Variants in PRXL2C observed in about 807,000 individuals in gnomAD.
PRXL2C encodes the protein peroxiredoxin like 2C.
A neutral mutation model predicts 24.9 loss-of-function variants in PRXL2C; 38 were observed. The ratio of observed to expected loss-of-function variants is 1.53; its 90% CI spans 1.18 to 2.00. The LOEUF is 2.00. Among genes scored for constraint, PRXL2C ranks in the 30% most tolerant of loss-of-function variants. The pLI, the probability that PRXL2C is intolerant of heterozygous loss-of-function variation, is 0.00. For synonymous variants in PRXL2C, 98 were observed against 117.2 expected (o/e 0.84, Z 1.06); for missense variants, 294 against 290.9 (o/e 1.01, Z -0.08).
rs1001250239 is a variant in PRXL2C, at chr9:96,654,878, G to A, written c.193-105C>T. ...CGTGACGCGAGCAAAGGCGACGCCCGCGGGGCCGGGACCGGCGGCTCGGGC... is the reference window on the plus strand; with the variant it reads ...CGTGACGCGAGCAAAGGCGACGCCCACGGGGCCGGGACCGGCGGCTCGGGC... On this transcript the variant is annotated intron_variant, in intron 1 of 5. Coordinates refer to ENST00000375234, the MANE Select transcript of PRXL2C (RefSeq NM_153698.2). The A allele has an allele frequency of 5.4e-6, 7 of 1,292,878 alleles. No individual in the cohort carries two copies. The East Asian group carries it at 1.5e-4, about 27-fold the overall frequency. 80.1% of individuals were successfully genotyped at this position (1,292,878 alleles called of 1,614,324 possible).
intron 4 of PRXL2C, among the ~76,000 whole-genome samples, chr9:96,647,749 A>G (rs1189425679): frequency 6.6e-6 from 1 of 152,036 alleles, no homozygotes; most frequent in Non-Finnish European, 1.5e-5. Flanking sequence ...GCCGGTCTCA[A>G]ATTCCTGGCC....
Position 96,651,396 on chromosome 9 carries a change from A to T in PRXL2C, c.415T>A (p.Ser139Thr). 1 of 1,607,774 alleles carries T rather than the reference A, an allele frequency of 6.2e-7. No individual in the cohort carries two copies. Among genetic ancestry groups the T allele is most frequent in the Non-Finnish European group, 8.5e-7 (1 of 1,176,250 alleles). Residue 139 changes from serine to threonine, a missense_variant, in exon 4 of 6, where the codon TCC (serine) becomes ACC (threonine). Physicochemically the swap from Ser to Thr is moderately conservative, Grantham distance 58. Transcript: ENST00000375234. The part of the protein sequence containing the change: ...LGMKRGEEIA[S>T]SGQSPHIKSN... ...GAGACATGTTATGTCTTACCTGAGG[A>T]AGCAATTTCTTCACCTCTTTTCATT...
At chr9:96,655,047 G>C in intron 1 of PRXL2C, 43 bp downstream of exon 1, 1 of 1,454,920 alleles carries the variant, frequency 6.9e-7, no homozygotes, top group Non-Finnish European at 9.0e-7. Context: ...GCCTGCCCGG[G>C]ACCCTGGGCC....
Position 96,655,223 on chromosome 9 carries a change from G to C in PRXL2C, c.59C>G (p.Ala20Gly). ...CTGCCCGCTGTCGGGGCCGCTCGGG[G>C]CCGGGACCAGGGCGGCGGCGCCGCT... ...QVSGAAALVP[A>G]PSGPDSGQPL... The change falls in exon 1 of 6, where the codon GCC (alanine) becomes GGC (glycine). Residue 20 changes from alanine (A) to glycine (G), a missense_variant. Transcript: ENST00000375234. The C allele has an allele frequency of 8.7e-7, 1 of 1,153,806 alleles. No individual in the cohort carries two copies. The highest frequency in any genetic ancestry group is 1.1e-6 in the Non-Finnish European group (1 of 939,226). 71.5% of individuals were successfully genotyped at this position (1,153,806 alleles called of 1,614,324 possible).
rs1358074829 is a variant in PRXL2C, at chr9:96,640,814, A to G, written c.*945T>C. 1 of 147,738 alleles carries G rather than the reference A, an allele frequency of 6.8e-6. No individual in the cohort carries two copies. Among genetic ancestry groups the G allele is most frequent in the African/African-American group, 2.6e-5 (1 of 39,116 alleles). The allele number at this position is 147,738 out of a possible 1,614,324, so 9.2% of individuals were successfully genotyped here. A position where few individuals can be genotyped will look rare whatever the true frequency, so the allele number is the denominator to read the frequency against. ...GCCACTGCACTCCAGCCTGGGCAACAGAGTGAGACTCCATCTCAAAAAAAA... is the reference window on the plus strand; with the variant it reads ...GCCACTGCACTCCAGCCTGGGCAACGGAGTGAGACTCCATCTCAAAAAAAA... On this transcript the variant is annotated 3_prime_UTR_variant, in exon 6 of 6. Transcript: ENST00000375234.
At chr9:96,647,030 T>C (rs1028823493) in intron 4 of PRXL2C, among the ~76,000 whole-genome samples, 23 of 152,266 alleles carry the variant, frequency 1.5e-4, no homozygotes, top group African/African-American at 5.1e-4. Flanking sequence ...CCTCAGGTGA[T>C]CTGCCCGCCT....
At chr9:96,654,275 G>C in intron 2 of PRXL2C, among the ~76,000 whole-genome samples, 1 of 152,132 alleles carries the variant, frequency 6.6e-6, no homozygotes. Flanking sequence ...TGTGCCTCAA[G>C]AAAAACAACT....
At chr9:96,649,055 G>A (rs1848232266) in intron 4 of PRXL2C, among the ~76,000 whole-genome samples, 1 of 152,112 alleles carries the variant, frequency 6.6e-6, no homozygotes, top group East Asian at 2.0e-4. Context: ...TTACAGGCGT[G>A]AGCCACCGCG....
At chr9:96,645,536 G>A (rs539280148) in intron 5 of PRXL2C, among the ~76,000 whole-genome samples, 82 of 152,018 alleles carry the variant, frequency 5.4e-4, no homozygotes, top group African/African-American at 2.0e-3. Context: ...GGTGGCTCAT[G>A]CCTGTAATCC....
At position 96,651,391 on chromosome 9, in the gene PRXL2C, T is replaced by C. The variant is rs1356183657; in HGVS notation, c.420A>G (p.Ser140=). 24 of 1,604,678 alleles carry C rather than the reference T, an allele frequency of 1.5e-5. No homozygotes were observed. Among genetic ancestry groups the C allele is most frequent in the Middle Eastern group, 2.0e-4 (1 of 5,038 alleles). ...GMKRGEEIAS[S]GQSPHIKSNL... is the part of the protein sequence containing the mutation. Reference sequence around the variant, plus strand: ...TATTTGAGACATGTTATGTCTTACCTGAGGAAGCAATTTCTTCACCTCTTT... The same window carrying C: ...TATTTGAGACATGTTATGTCTTACCCGAGGAAGCAATTTCTTCACCTCTTT... Residue 140 remains serine (S), a splice_region_variant and synonymous_variant, in exon 4 of 6, where the codon TCA becomes TCG. Transcript: ENST00000375234.
At chr9:96,651,284 A>C (rs1219027262) in intron 4 of PRXL2C, 106 bp downstream of exon 4, 4 of 874,492 alleles carry the variant, frequency 4.6e-6, no homozygotes, top group Admixed American at 5.8e-5. Context: ...TCTCAAAAAA[A>C]ACAAAAAAGC....
chr9:96,654,984 C>G (rs1848332618), intron 1 of PRXL2C, 106 bp downstream of exon 1: 1 of 1,325,332 alleles, frequency 7.5e-7, no homozygotes, highest in South Asian at 1.6e-5. Flanking sequence ...ACTGGGCAGG[C>G]TGCCTTCCCG....
At position 96,645,984 on chromosome 9, in the gene PRXL2C, G is replaced by A. The variant is rs149775310; in HGVS notation, c.462C>T (p.Ser154=). 7.6e-4 allele frequency: 1,233 copies of A among 1,613,454 alleles called. 9 individuals carry two copies. The African/African-American group carries it at 8.4e-3, about 11-fold the overall frequency. ...PHIKSNLLSG[S]LQSLWRAVTG... ...TCACTGCCCGCCACAGGCTCTGAAG[G>A]CTTCCTGAGAGTAGATTTGATTTTA... Residue 154 remains serine (S), a synonymous_variant, in exon 5 of 6, where the codon AGC becomes AGT. Coordinates refer to ENST00000375234, the MANE Select transcript of PRXL2C (RefSeq NM_153698.2).
At chr9:96,653,024 G>A (rs564075456) in intron 2 of PRXL2C, among the ~76,000 whole-genome samples, 227 of 152,272 alleles carry the variant, frequency 1.5e-3, no homozygotes, top group Admixed American at 2.4e-3. Flanking sequence ...TCAGGAGATG[G>A]AGACCATACT....
Position 96,639,700 on chromosome 9 carries a change from C to T in PRXL2C, c.*2059G>A, listed in dbSNP as rs910349552. On this transcript the variant is annotated 3_prime_UTR_variant, in exon 6 of 6. Coordinates refer to ENST00000375234, the MANE Select transcript of PRXL2C (RefSeq NM_153698.2). ...ATGCTTCATATAAAAGTACTGAGTT[C>T]AAAGCAGTATTATACTTGCTAATCA... 1 of 152,026 alleles carries T rather than the reference C, an allele frequency of 6.6e-6. No homozygotes were observed. Among genetic ancestry groups the T allele is most frequent in the Non-Finnish European group, 1.5e-5 (1 of 68,014 alleles). The allele number at this position is 152,026 out of a possible 1,614,324, so 9.4% of individuals were successfully genotyped here.
At chr9:96,653,104 T>A (rs1328338459) in intron 2 of PRXL2C, among the ~76,000 whole-genome samples, 3 of 151,598 alleles carry the variant, frequency 2.0e-5, no homozygotes, top group Non-Finnish European at 4.4e-5. Flanking sequence ...CGGGCGCCTG[T>A]TAGTCCCAGC....
rs1848099656 is a variant in PRXL2C at position 96,640,492 on chromosome 9, G to T, written c.*1267C>A. ...AGATTGAGCCATTGCACTCCAGCCT[G>T]GGCGACAGAGCAAGACTCCATCTCA... On this transcript the variant is annotated 3_prime_UTR_variant, in exon 6 of 6. Coordinates refer to ENST00000375234, the MANE Select transcript of PRXL2C (RefSeq NM_153698.2). 7.6e-6 allele frequency: 1 copy of T among 131,248 alleles called. No individual in the cohort carries two copies. Among genetic ancestry groups the T allele is most frequent in the Non-Finnish European group, 1.5e-5 (1 of 64,656 alleles). 8.1% of individuals were successfully genotyped at this position (131,248 alleles called of 1,614,324 possible).
At position 96,640,171 on chromosome 9, in the gene PRXL2C, C is replaced by G. The variant is rs1381546945; in HGVS notation, c.*1588G>C. 6.6e-6 allele frequency: 1 copy of G among 151,460 alleles called. No individual in the cohort carries two copies. Among genetic ancestry groups the G allele is most frequent in the Non-Finnish European group, 1.5e-5 (1 of 67,936 alleles). 9.4% of individuals were successfully genotyped at this position (151,460 alleles called of 1,614,324 possible). On this transcript the variant is annotated 3_prime_UTR_variant, in exon 6 of 6. Coordinates refer to ENST00000375234, the MANE Select transcript of PRXL2C (RefSeq NM_153698.2). ...AGAGCAGTTTGAGGGTGAGAAATAG[C>G]AGTTCTCTAGGAATGCATAACTAAA...
intron 2 of PRXL2C, 114 bp from the exon 3 acceptor site, chr9:96,651,826 G>A (rs1035749344): frequency 1.2e-6 from 1 of 817,356 alleles, no homozygotes; most frequent in Non-Finnish European, 1.9e-6. Context: ...GGCTTCTAGA[G>A]GAATGGAATA....
Sources: gnomAD v4.1 joint callset for allele counts (sites outside exome capture counted in the v4.1 genomes callset) on GRCh38, gnomAD v4.1.1 for gene constraint, MANE v1.5 for transcripts, NCBI Gene and HGNC (gene_info 2026-07-23, HGNC 2026-07-21) for gene names.